AGPAT4: variants seen among roughly 807,000 people sequenced by gnomAD.
AGPAT4 encodes 1-acyl-sn-glycerol-3-phosphate acyltransferase delta.
A neutral mutation model predicts 48.0 loss-of-function variants in AGPAT4; 15 were observed. That is an observed-to-expected ratio of 0.31 (90% confidence interval 0.21 to 0.48). The LOEUF is 0.48. AGPAT4 is among the 20% of genes least tolerant of loss of function. The pLI, the probability that AGPAT4 is intolerant of heterozygous loss-of-function variation, is 0.99. For synonymous variants in AGPAT4, 178 were observed against 198.7 expected (o/e 0.90, Z 0.88); for missense variants, 314 against 482.5 (o/e 0.65, Z 3.27).
chr6:161,239,333 AG>A (rs1210722924), intron 1 of AGPAT4, among the ~76,000 whole-genome samples: 1 of 152,272 alleles, frequency 6.6e-6, no homozygotes, highest in African/African-American at 2.4e-5. Context: ...GCATTAAATT[AG>A]GCAACAAGAT....
intron 2 of AGPAT4, among the ~76,000 whole-genome samples, chr6:161,188,497 A>G (rs1435181792): frequency 6.6e-6 from 1 of 152,198 alleles, no homozygotes; most frequent in Non-Finnish European, 1.5e-5. Flanking sequence ...ATGACCAGGT[A>G]AAATACAAGG....
rs1453913896 is a variant in AGPAT4, at chr6:161,197,238, C to A, written c.179-30821G>T. On this transcript the variant is annotated intron_variant, in intron 2 of 8. Transcript: ENST00000320285. This position sits in a 1 kb window ranked among gnomAD's most constrained non-coding sequence, Gnocchi z 5.7. Reference sequence around the variant, plus strand: ...GTTGAATGTGCTAATGGACAGTGAGCGCTTTCAGAGAGGGGCCAGGGCACG... The same window carrying A: ...GTTGAATGTGCTAATGGACAGTGAGAGCTTTCAGAGAGGGGCCAGGGCACG... Among the ~76,000 whole-genome samples the A allele has an allele frequency of 2.0e-5, 3 of 152,116 alleles. No homozygotes were observed. The highest frequency in any genetic ancestry group is 1.5e-5 in the Non-Finnish European group (1 of 68,016).
In AGPAT4 at chr6:161,254,470, A is replaced by C. The variant is rs1782888726; in HGVS notation, c.-90+19468T>G. 6.6e-6 allele frequency among the ~76,000 whole-genome samples: 1 copy of C among 152,238 alleles called. No individual in the cohort carries two copies. The highest frequency in any genetic ancestry group is 2.4e-5 in the African/African-American group (1 of 41,460). On this transcript the variant is annotated intron_variant, in intron 1 of 8. Coordinates refer to ENST00000320285, the MANE Select transcript of AGPAT4 (RefSeq NM_020133.3). This position sits in a 1 kb window ranked among gnomAD's most constrained non-coding sequence, Gnocchi z 5.9. The stretch of plus-strand genomic sequence containing the variant: ...TATTAAGTGATTCATATACATATAT[A>C]CGTTTAGAGGCAACTCGTTCAGCGA...
In AGPAT4 at chr6:161,153,325, G is replaced by A; in HGVS notation, c.664+21C>T. 1.3e-6 allele frequency: 2 copies of A among 1,595,636 alleles called. 1 individual carries two copies. Among genetic ancestry groups the A allele is most frequent in the South Asian group, 2.3e-5 (2 of 88,222 alleles). On this transcript the variant is annotated intron_variant, in intron 5 of 8. Transcript: ENST00000320285. ...TTCCTCGCTGCCACGGGGAGGCCCA[G>A]GGCCACGCACTCTTCCTTACCTACA...
rs1779529982 is a variant in AGPAT4, at chr6:161,149,570, G to C, written c.665-281C>G. Among the ~76,000 whole-genome samples, 3 of 151,712 alleles carry C rather than the reference G, an allele frequency of 2.0e-5. No homozygotes were observed. The highest frequency in any genetic ancestry group is 1.3e-4 in the Admixed American group (2 of 15,224). The stretch of plus-strand genomic sequence containing the variant: ...TTTCTTTTCTTTTTTTTTGGAGATG[G>C]AGTCTCACTCTGTCACCCAGGAGTG... On this transcript the variant is annotated intron_variant, in intron 5 of 8. Coordinates refer to ENST00000320285, the MANE Select transcript of AGPAT4 (RefSeq NM_020133.3). The surrounding 1 kb of genome is among the most constrained non-coding windows in gnomAD (Gnocchi z 6.5).
At position 161,144,838 on chromosome 6, in the gene AGPAT4, G is replaced by A. The variant is rs1032136461; in HGVS notation, c.843+1686C>T. Among the ~76,000 whole-genome samples, 20 of 152,118 alleles carry A rather than the reference G, an allele frequency of 1.3e-4. No homozygotes were observed. Among genetic ancestry groups the A allele is most frequent in the South Asian group, 2.1e-4 (1 of 4,812 alleles). On this transcript the variant is annotated intron_variant, in intron 7 of 8. Coordinates refer to ENST00000320285, the MANE Select transcript of AGPAT4 (RefSeq NM_020133.3). The surrounding 1 kb of genome is among the most constrained non-coding windows in gnomAD (Gnocchi z 6.6). ...TACTAAACATACAAAAAAATTAGCC[G>A]GGCATGGTGGCGGGTGCCTGTAGTC...
At chr6:161,179,481 G>C (rs974865711) in intron 2 of AGPAT4, among the ~76,000 whole-genome samples, 2 of 152,182 alleles carry the variant, frequency 1.3e-5, no homozygotes, top group East Asian at 1.9e-4. Context: ...CAAAGGTTTG[G>C]TGTGAAGAGC....
chr6:161,186,674 T>G (rs1245324876), intron 2 of AGPAT4, among the ~76,000 whole-genome samples: 1 of 152,084 alleles, frequency 6.6e-6, no homozygotes, highest in Non-Finnish European at 1.5e-5. Context: ...ACCAGATGAC[T>G]GCAGGCTCCC....
rs1779937941 is a variant in AGPAT4, at chr6:161,161,593, C to T, written c.348+4655G>A. ...GTGCAAGACCACCCTACAGAGCTGA[C>T]AAAACCATGGCGGTGGGCATATCTG... is the stretch of plus-strand genomic sequence containing the variant. On this transcript the variant is annotated intron_variant, in intron 3 of 8. Coordinates refer to ENST00000320285, the MANE Select transcript of AGPAT4 (RefSeq NM_020133.3). This position sits in a 1 kb window ranked among gnomAD's most constrained non-coding sequence, Gnocchi z 4.6. The T allele has an allele frequency of 2.4e-6, 1 of 415,352 alleles. No individual in the cohort carries two copies. The highest frequency in any genetic ancestry group is 1.7e-5 in the South Asian group (1 of 59,076). The allele number at this position is 415,352 out of a possible 1,614,324, so 25.7% of individuals were successfully genotyped here.
At chr6:161,247,628 TC>T (rs1205074723) in intron 1 of AGPAT4, among the ~76,000 whole-genome samples, 1 of 152,046 alleles carries the variant, frequency 6.6e-6, no homozygotes, top group Non-Finnish European at 1.5e-5. Context: ...CCGGAAGCAT[TC>T]CCCCTGAAAA....
At chr6:161,173,105 T>C (rs1302906660) in intron 2 of AGPAT4, among the ~76,000 whole-genome samples, 5 of 152,192 alleles carry the variant, frequency 3.3e-5, no homozygotes, top group African/African-American at 1.2e-4. Context: ...AATAAACATA[T>C]GTGTACATGT....
In AGPAT4 at chr6:161,159,666, G is replaced by A. The variant is rs528324896; in HGVS notation, c.349-5356C>T. Among the ~76,000 whole-genome samples, 20 of 152,168 alleles carry A rather than the reference G, an allele frequency of 1.3e-4. No homozygotes were observed. The highest frequency in any genetic ancestry group is 2.1e-4 in the South Asian group (1 of 4,818). ...GACTCCATTCTCTTTTTTTTGAGACGAAGTTTCACTCTTGTTGCCCAGGCT... is the reference window on the plus strand; with the variant it reads ...GACTCCATTCTCTTTTTTTTGAGACAAAGTTTCACTCTTGTTGCCCAGGCT... On this transcript the variant is annotated intron_variant, in intron 3 of 8. Coordinates refer to ENST00000320285, the MANE Select transcript of AGPAT4 (RefSeq NM_020133.3). This position sits in a 1 kb window ranked among gnomAD's most constrained non-coding sequence, Gnocchi z 4.1.
At chr6:161,136,671 A>T (rs6455706) in intron 8 of AGPAT4, 37 bp from the exon 9 acceptor site, 2 of 1,586,890 alleles carry the variant, frequency 1.3e-6, no homozygotes, top group African/African-American at 1.3e-5. Context: ...GGAGTAGCCC[A>T]AACAGACTAC....
rs188818651 is a variant in AGPAT4 at position 161,232,018 on chromosome 6, G to C, written c.178+18C>G. On this transcript the variant is annotated intron_variant, in intron 2 of 8. Coordinates refer to ENST00000320285, the MANE Select transcript of AGPAT4 (RefSeq NM_020133.3). The surrounding 1 kb of genome is among the most constrained non-coding windows in gnomAD (Gnocchi z 6.8). ...CATCCACAATGGAGACGAAAATATA[G>C]AATCTTAAGTATCTTACGGCTTGAG... 611 of 1,610,858 alleles carry C rather than the reference G, an allele frequency of 3.8e-4. 2 individuals are homozygous for C. The African/African-American group carries it at 7.2e-3, about 19-fold the overall frequency.
rs190852971 is a variant in AGPAT4 at position 161,247,566 on chromosome 6, G to C, written c.-89-15264C>G. On this transcript the variant is annotated intron_variant, in intron 1 of 8. Transcript: ENST00000320285. ...GAAGGAACGTTCCTTAAAATAATAA[G>C]AGCCATCTATGACAAACCCACAGCC... is the stretch of plus-strand genomic sequence containing the variant. 8.3e-4 allele frequency among the ~76,000 whole-genome samples: 126 copies of C among 152,150 alleles called. 3 individuals are homozygous for C. Among genetic ancestry groups the C allele is most frequent in the African/African-American group, 2.8e-3 (115 of 41,530 alleles).
At chr6:161,194,072 G>A (rs958326513) in intron 2 of AGPAT4, among the ~76,000 whole-genome samples, 3 of 152,150 alleles carry the variant, frequency 2.0e-5, no homozygotes, top group Non-Finnish European at 4.4e-5. Flanking sequence ...TGCTGAACAT[G>A]TGAAATGTGA....
At position 161,219,946 on chromosome 6, in the gene AGPAT4, G is replaced by GA. The variant is rs1562344037; in HGVS notation, c.178+12089_178+12090insT. The stretch of plus-strand genomic sequence containing the variant: ...GGCAGGCAGGCAGGCAGGCAGGCAG[G>GA]CAGACAGACAGACAGACAGACAGGC... On this transcript the variant is annotated intron_variant, in intron 2 of 8. Coordinates refer to ENST00000320285, the MANE Select transcript of AGPAT4 (RefSeq NM_020133.3). The surrounding 1 kb of genome is among the most constrained non-coding windows in gnomAD (Gnocchi z 4.9). Among the ~76,000 whole-genome samples, 1,476 of 143,242 alleles carry GA rather than the reference G, an allele frequency of 0.01. 39 individuals carry two copies. The highest frequency in any genetic ancestry group is 0.037 in the African/African-American group (1,324 of 36,084). The allele number at this position is 143,242 out of a possible 152,430, so 94.0% of individuals were successfully genotyped here. A position where few individuals can be genotyped will look rare whatever the true frequency, so the allele number is the denominator to read the frequency against.
Position 161,161,287 on chromosome 6 carries a change from G to A in AGPAT4, c.348+4961C>T, listed in dbSNP as rs781542237. On this transcript the variant is annotated intron_variant, in intron 3 of 8. Transcript: ENST00000320285. The surrounding 1 kb of genome is among the most constrained non-coding windows in gnomAD (Gnocchi z 4.6). ...CGCTCCCACCTCCAGGATGGTAGTC[G>A]GTATGAACCCGCGGTGCAGCCATAG... The A allele has an allele frequency of 2.0e-5, 9 of 456,682 alleles. No individual in the cohort carries two copies. The highest frequency in any genetic ancestry group is 6.9e-5 in the East Asian group (1 of 14,396). 28.3% of individuals were successfully genotyped at this position (456,682 alleles called of 1,614,324 possible).
rs1228552011 is a variant in AGPAT4 at position 161,140,335 on chromosome 6, A to C, written c.844-715T>G. Among the ~76,000 whole-genome samples, 1 of 152,210 alleles carries C rather than the reference A, an allele frequency of 6.6e-6. No homozygotes were observed. The highest frequency in any genetic ancestry group is 1.9e-4 in the East Asian group (1 of 5,192). ...GTGTGAAAGGTAAACAAACAGGCTC[A>C]TGTCCTTCCACTAAGCAGATCCTTA... On this transcript the variant is annotated intron_variant, in intron 7 of 8. Coordinates refer to ENST00000320285, the MANE Select transcript of AGPAT4 (RefSeq NM_020133.3). The surrounding 1 kb of genome is among the most constrained non-coding windows in gnomAD (Gnocchi z 6.5).
Sources: gnomAD v4.1 joint callset for allele counts (sites outside exome capture counted in the v4.1 genomes callset) on GRCh38, gnomAD v4.1.1 for gene constraint, Gnocchi (gnomAD v3.1) non-coding constraint, MANE v1.5 for transcripts, NCBI Gene and HGNC (gene_info 2026-07-23, HGNC 2026-07-21) for gene names.